BCL11A: variants seen among roughly 807,000 people sequenced by gnomAD.
The protein encoded by BCL11A is B cell CLL/lymphoma 11A.
A neutral mutation model predicts 55.9 loss-of-function variants in BCL11A; 2 were observed. The observed-to-expected ratio is 0.04, with a 90% confidence interval of 0.01 to 0.11. BCL11A has a LOEUF of 0.11. Ranked by LOEUF, BCL11A falls within the 10% of genes least tolerant of loss-of-function variation. The probability of loss-of-function intolerance (pLI) is 1.00; values close to 1 mark genes in which losing one functional copy is unlikely to be tolerated. For synonymous variants in BCL11A, 465 were observed against 473.4 expected, an observed-to-expected ratio of 0.98 and a Z score of 0.23; for missense variants, 817 against 1,137.1, an observed-to-expected ratio of 0.72 and a Z score of 4.05.
At chr2:60,465,632 T>A (rs941580547) in intron 3 of BCL11A, among the ~76,000 whole-genome samples, 1 of 152,244 alleles carries the variant, frequency 6.6e-6, no homozygotes, top group Admixed American at 6.5e-5. Flanking sequence ...CCTAGCTCTA[T>A]TATCCACTAG....
chr2:60,513,036 C>A (rs1185677434), intron 2 of BCL11A, among the ~76,000 whole-genome samples: 1 of 152,116 alleles, frequency 6.6e-6, no homozygotes, highest in African/African-American at 2.4e-5. Flanking sequence ...CTGGTTACCC[C>A]CTGAGAAAGG....
At chr2:60,526,594 T>C (rs2104595960) in intron 2 of BCL11A, 1 of 152,366 alleles carries the variant, frequency 6.6e-6, no homozygotes, top group Non-Finnish European at 1.5e-5. Context: ...CTGCAGCGCA[T>C]TTAGATTAGC....
downstream of BCL11A, chr2:60,452,770 A>C: frequency 1.1e-6 from 1 of 901,666 alleles, no homozygotes; most frequent in South Asian, 1.5e-5. Context: ...ATTAGAACTT[A>C]AACCAACCAC....
At chr2:60,551,550 A>G (rs1670414323) in intron 1 of BCL11A, among the ~76,000 whole-genome samples, 1 of 152,234 alleles carries the variant, frequency 6.6e-6, no homozygotes, top group Admixed American at 6.5e-5. Flanking sequence ...TGTGGACAAG[A>G]GACGTCTGAG....
At chr2:60,509,715 T>C (rs1679875545) in intron 2 of BCL11A, among the ~76,000 whole-genome samples, 1 of 152,084 alleles carries the variant, frequency 6.6e-6, no homozygotes, top group Non-Finnish European at 1.5e-5. Flanking sequence ...CCCAAAGAAC[T>C]CGACTTAAAT....
At chr2:60,548,063 T>C in intron 1 of BCL11A, among the ~76,000 whole-genome samples, 1 of 152,218 alleles carries the variant, frequency 6.6e-6, no homozygotes, top group East Asian at 1.9e-4. Context: ...CAGAAGTGCC[T>C]CTGCATTGTG....
intron 3 of BCL11A, among the ~76,000 whole-genome samples, chr2:60,468,104 A>G (rs1200562727): frequency 3.6e-3 from 131 of 36,872 alleles, no homozygotes; most frequent in Middle Eastern, 0.042. Context: ...GGTGGTGGTG[A>G]TGGTGGCAGT....
At chr2:60,508,505 A>G (rs1335901706) in intron 2 of BCL11A, 1 of 152,282 alleles carries the variant, frequency 6.6e-6, no homozygotes, top group African/African-American at 2.4e-5. Context: ...GAGGTTCTGG[A>G]ATAGCACAGT....
intron 2 of BCL11A, among the ~76,000 whole-genome samples, chr2:60,493,933 G>A (rs1678797935): frequency 6.6e-6 from 1 of 152,186 alleles, no homozygotes; most frequent in Non-Finnish European, 1.5e-5. Flanking sequence ...GGGGAGACAG[G>A]GCCTCCAGTG....
chr2:60,480,388 G>C (rs1677882701), intron 2 of BCL11A, among the ~76,000 whole-genome samples: 1 of 152,200 alleles, frequency 6.6e-6, no homozygotes, highest in African/African-American at 2.4e-5. Flanking sequence ...GCTGGGCAAA[G>C]AAGAGCCCCT....
At chr2:60,494,711 T>C (rs6721788) in intron 2 of BCL11A, among the ~76,000 whole-genome samples, 149 of 152,312 alleles carry the variant, frequency 9.8e-4, no homozygotes, top group African/African-American at 3.5e-3. Context: ...AGGGTTTGTA[T>C]GAAAATAAAA....
At chr2:60,463,146 G>C (rs377618557) in intron 3 of BCL11A, among the ~76,000 whole-genome samples, 3 of 152,322 alleles carry the variant, frequency 2.0e-5, no homozygotes, top group Admixed American at 1.3e-4. Flanking sequence ...CCATGGGGAC[G>C]TCCATTTTTA....
At chr2:60,521,118 C>T (rs1403532795) in intron 2 of BCL11A, among the ~76,000 whole-genome samples, 3 of 151,814 alleles carry the variant, frequency 2.0e-5, no homozygotes, top group East Asian at 3.9e-4. Flanking sequence ...CACACACACA[C>T]ACACACTCAC....
At chr2:60,456,690 A>C (rs187212903), downstream of BCL11A, among the ~76,000 whole-genome samples, 177 of 152,264 alleles carry the variant, frequency 1.2e-3, no homozygotes, top group African/African-American at 4.1e-3. Flanking sequence ...AGATTTTTAG[A>C]TTTCAAAAGT....
chr2:60,521,903 TCTTCC>T (rs1669013866), intron 2 of BCL11A, among the ~76,000 whole-genome samples: 1 of 152,202 alleles, frequency 6.6e-6, no homozygotes, highest in African/African-American at 2.4e-5. Flanking sequence ...GGATCTCTGT[TCTTCC>T]AGGAGAATGG....
chr2:60,489,749 T>C (rs998901549), intron 2 of BCL11A, among the ~76,000 whole-genome samples: 1 of 151,868 alleles, frequency 6.6e-6, no homozygotes, highest in Non-Finnish European at 1.5e-5. Context: ...GTCTATTTAC[T>C]AACCACTTTT....
In BCL11A at chr2:60,460,209, G is replaced by GA. The variant is rs368170123; in HGVS notation, c.*194dup. ...GAAAAAGAAAAAAGAAAAAGAAAAA[G>GA]AAAAAAAACAGGTGTGCTGGTGACA... is the stretch of plus-strand genomic sequence containing the variant. On this transcript the variant is annotated 3_prime_UTR_variant, in exon 4 of 4. Transcript: ENST00000642384. 3.9e-5 allele frequency: 50 copies of GA among 1,278,696 alleles called. No individual in the cohort carries two copies. The highest frequency in any genetic ancestry group is 1.2e-4 in the East Asian group (4 of 32,844). The allele number at this position is 1,278,696 out of a possible 1,614,324, so 79.2% of individuals were successfully genotyped here.
At chr2:60,544,589 C>T (rs1374718797) in intron 2 of BCL11A, 1 of 152,166 alleles carries the variant, frequency 6.6e-6, no homozygotes, top group African/African-American at 2.4e-5. Context: ...TGATCAAATT[C>T]TAGAGGGGGA....
chr2:60,484,672 AG>A (rs1041144563), intron 2 of BCL11A, among the ~76,000 whole-genome samples: 15 of 152,116 alleles, frequency 9.9e-5, no homozygotes, highest in Admixed American at 9.8e-4. Flanking sequence ...TCTTAAGAGA[AG>A]GGGGAATTTG....
Sources: gnomAD v4.1 joint callset for allele counts (sites outside exome capture counted in the v4.1 genomes callset) on GRCh38, gnomAD v4.1.1 for gene constraint, MANE v1.5 for transcripts, NCBI Gene and HGNC (gene_info 2026-07-23, HGNC 2026-07-21) for gene names.